The following PPIL6 variants were observed in gnomAD, a reference collection of about 807,000 sequenced individuals.
PPIL6 encodes the protein peptidylprolyl isomerase like 6, also known as probable inactive peptidyl-prolyl cis-trans isomerase-like 6.
PPIL6 carries 39 observed loss-of-function variants against 36.8 expected under a neutral mutation model. The ratio of observed to expected loss-of-function variants is 1.06; its 90% CI spans 0.82 to 1.38. PPIL6 has a LOEUF of 1.38. Ranked by LOEUF, PPIL6 falls within the 40% of genes most tolerant of loss-of-function variation. The pLI is 0.00. For missense variants in PPIL6, 368 were observed against 379.1 expected (o/e 0.97, Z 0.24); for synonymous variants, 123 against 134.1 (o/e 0.92, Z 0.57).
intron 5 of PPIL6, among the ~76,000 whole-genome samples, chr6:109,425,235 G>A (rs1773752448): frequency 6.6e-6 from 1 of 152,212 alleles, no homozygotes; most frequent in South Asian, 2.1e-4. Flanking sequence ...ACATGAATCA[G>A]AGCTTGGATT....
chr6:109,392,866 T>C lies in PPIL6; in HGVS notation c.896A>G (p.His299Arg). 2 of 1,604,868 alleles carry C rather than the reference T, an allele frequency of 1.2e-6. No homozygotes were observed. Among genetic ancestry groups the C allele is most frequent in the South Asian group, 1.1e-5 (1 of 90,344 alleles). ...TCCACTGTCAGTAATTCTACACATA[T>C]GTATTGGTCTTTCATTCTGTGTTGG... ...LVPTQNERPI[H>R]MCRITDSGDP... The change falls in exon 8 of 8, where the codon CAT (histidine) becomes CGT (arginine). Residue 299 changes from histidine (H) to arginine (R), a missense_variant. Physicochemically the swap from His to Arg is conservative, Grantham distance 29. Coordinates refer to ENST00000521072, the MANE Select transcript of PPIL6 (RefSeq NM_173672.5).
chr6:109,401,654 G>GA (rs1361711119), intron 6 of PPIL6, among the ~76,000 whole-genome samples: 1 of 151,274 alleles, frequency 6.6e-6, no homozygotes, highest in Non-Finnish European at 1.5e-5. Flanking sequence ...GTGAAATAAA[G>GA]AAAAAAACTC....
Position 109,407,486 on chromosome 6 carries a change from G to A in PPIL6, c.689-7316C>T, listed in dbSNP as rs556714180. Among the ~76,000 whole-genome samples, 24 of 152,158 alleles carry A rather than the reference G, an allele frequency of 1.6e-4. 1 individual carries two copies. The East Asian group carries it at 4.6e-3, about 29-fold the overall frequency. Reference sequence around the variant, plus strand: ...GATCTCCTGACCTCGTGATCTGCCCGCCTCGGCCTCCCAAGGTGCTGGGAT... The same window carrying A: ...GATCTCCTGACCTCGTGATCTGCCCACCTCGGCCTCCCAAGGTGCTGGGAT... On this transcript the variant is annotated intron_variant, in intron 6 of 7. Coordinates refer to ENST00000521072, the MANE Select transcript of PPIL6 (RefSeq NM_173672.5).
intron 4 of PPIL6, 37 bp downstream of exon 4, chr6:109,427,057 C>T: frequency 6.3e-7 from 1 of 1,595,810 alleles, no homozygotes; most frequent in Non-Finnish European, 8.6e-7. Flanking sequence ...GTTATAGATC[C>T]TACCCCCACA....
chr6:109,418,004 G>C (rs903464421), intron 6 of PPIL6: 4 of 152,106 alleles, frequency 2.6e-5, no homozygotes, highest in Non-Finnish European at 5.9e-5. Context: ...AACTCTCTTT[G>C]TTATATAGGG....
chr6:109,417,774 T>C (rs1156915316), intron 6 of PPIL6, among the ~76,000 whole-genome samples: 1 of 152,208 alleles, frequency 6.6e-6, no homozygotes, highest in African/African-American at 2.4e-5. Context: ...GAAATATTAA[T>C]ACTTCTGCAG....
chr6:109,416,383 A>G (rs1773255322), intron 6 of PPIL6, among the ~76,000 whole-genome samples: 1 of 151,760 alleles, frequency 6.6e-6, no homozygotes, highest in Admixed American at 6.6e-5. Flanking sequence ...TTATATTTTC[A>G]GTAGAGACAG....
intron 6 of PPIL6, among the ~76,000 whole-genome samples, chr6:109,414,787 G>A (rs992705659): frequency 4.0e-5 from 6 of 151,876 alleles, no homozygotes; most frequent in Non-Finnish European, 7.4e-5. Context: ...CCAACCCCTC[G>A]GAGCAGTCAA....
At chr6:109,440,120 G>A (rs1033082320) in intron 1 of PPIL6, 1 of 353,686 alleles carries the variant, frequency 2.8e-6, no homozygotes, top group Admixed American at 4.5e-5. Flanking sequence ...TCTAATTAAA[G>A]AAAAAATTGA....
chr6:109,435,917 CCT>C (rs1175170425), intron 2 of PPIL6, among the ~76,000 whole-genome samples, 185 bp downstream of exon 2: 2 of 151,768 alleles, frequency 1.3e-5, no homozygotes, highest in Non-Finnish European at 2.9e-5. Context: ...AGAGTGAGAC[CCT>C]GTCTCAAAAA....
At chr6:109,440,998 A>G, upstream of PPIL6, 2 of 954,122 alleles carry the variant, frequency 2.1e-6, no homozygotes, top group Non-Finnish European at 3.2e-6. Context: ...CTTGGTGCCC[A>G]CCTGTGCGCG....
rs538015794 is a variant in PPIL6 at position 109,406,194 on chromosome 6, G to A, written c.689-6024C>T. 1.1e-3 allele frequency among the ~76,000 whole-genome samples: 173 copies of A among 151,024 alleles called. 1 individual carries two copies. Among genetic ancestry groups the A allele is most frequent in the Middle Eastern group, 3.4e-3 (1 of 290 alleles). On this transcript the variant is annotated intron_variant, in intron 6 of 7. Transcript: ENST00000521072. ...ACCTCCCAAGTAGCTAGGACCACAG[G>A]TGCATGCCACCACGCCCAGCTAATT...
rs1334710510 is a variant in PPIL6 at position 109,413,835 on chromosome 6, A to C, written c.688+5352T>G. On this transcript the variant is annotated intron_variant, in intron 6 of 7. Coordinates refer to ENST00000521072, the MANE Select transcript of PPIL6 (RefSeq NM_173672.5). This position sits in a 1 kb window ranked among gnomAD's most constrained non-coding sequence, Gnocchi z 4.6. The stretch of plus-strand genomic sequence containing the variant: ...AACAACATGGATGGGACTGGAGGTC[A>C]TTATGCTAAGTGAAATAAGCCAGGC... Among the ~76,000 whole-genome samples the C allele has an allele frequency of 6.6e-6, 1 of 152,240 alleles. No homozygotes were observed. Among genetic ancestry groups the C allele is most frequent in the Non-Finnish European group, 1.5e-5 (1 of 68,038 alleles).
chr6:109,428,073 C>T (rs1457149814), intron 3 of PPIL6, among the ~76,000 whole-genome samples: 1 of 152,190 alleles, frequency 6.6e-6, no homozygotes, highest in Non-Finnish European at 1.5e-5. Flanking sequence ...ATAATACCCT[C>T]ATGTGCACAG....
At position 109,400,045 on chromosome 6, in the gene PPIL6, C is replaced by G. The variant is rs1344823220; in HGVS notation, c.814G>C (p.Val272Leu). The G allele has an allele frequency of 1.2e-6, 2 of 1,611,090 alleles. No individual in the cohort carries two copies. The highest frequency in any genetic ancestry group is 1.7e-5 in the Admixed American group (1 of 59,678). The stretch of plus-strand genomic sequence containing the variant: ...CTACAATATACATACCCAAAAGCCA[C>G]AAATTTTCTATCTAGATAAGGAGTT... ...QATPYLDRKF[V>L]AFGQLIEGTE... The change falls in exon 7 of 8, where the codon GTG becomes CTG. Residue 272 changes from valine (V) to leucine (L), a missense_variant. Physicochemically the swap from Val to Leu is conservative, Grantham distance 32. Coordinates refer to ENST00000521072, the MANE Select transcript of PPIL6 (RefSeq NM_173672.5).
At chr6:109,422,970 T>C (rs917715079) in intron 5 of PPIL6, among the ~76,000 whole-genome samples, 1 of 152,220 alleles carries the variant, frequency 6.6e-6, no homozygotes, top group Non-Finnish European at 1.5e-5. Context: ...ACTCACACCA[T>C]AGCAGCGCTC....
intron 6 of PPIL6, among the ~76,000 whole-genome samples, chr6:109,405,301 T>A (rs1360894559): frequency 6.6e-6 from 1 of 152,192 alleles, no homozygotes; most frequent in Admixed American, 6.5e-5. Flanking sequence ...CTTATAGTTT[T>A]AACATCCAAA....
chr6:109,440,363 C>G, intron 1 of PPIL6, 93 bp downstream of exon 1: 2 of 1,444,512 alleles, frequency 1.4e-6, no homozygotes, highest in Non-Finnish European at 1.9e-6. Context: ...CCTCGACCCC[C>G]GCCGCCTCGA....
Position 109,419,226 on chromosome 6 carries a change from C to G in PPIL6, c.649G>C (p.Gly217Arg). Residue 217 changes from glycine to arginine, a missense_variant, in exon 6 of 8, where the codon GGA becomes CGA. Coordinates refer to ENST00000521072, the MANE Select transcript of PPIL6 (RefSeq NM_173672.5). ...CCATAAATCGACTCTCCATTATCTCCTTTTCCATACACTATATCTGAGAAA... is the reference window on the plus strand; with the variant it reads ...CCATAAATCGACTCTCCATTATCTCGTTTTCCATACACTATATCTGAGAAA... The part of the protein sequence containing the change: ...IQGGDIVYGK[G>R]DNGESIYGPT... 1 of 1,556,140 alleles carries G rather than the reference C, an allele frequency of 6.4e-7. No homozygotes were observed. Among genetic ancestry groups the G allele is most frequent in the South Asian group, 1.1e-5 (1 of 89,732 alleles).
Sources: gnomAD v4.1 joint callset for allele counts (sites outside exome capture counted in the v4.1 genomes callset) on GRCh38, gnomAD v4.1.1 for gene constraint, Gnocchi (gnomAD v3.1) non-coding constraint, MANE v1.5 for transcripts, NCBI Gene and HGNC (gene_info 2026-07-23, HGNC 2026-07-21) for gene names.